ADD2: variants seen among roughly 807,000 people sequenced by gnomAD.
The protein encoded by ADD2 is beta-adducin.
Under a neutral mutation model 83.0 loss-of-function variants are expected in ADD2, and 23 were observed. The ratio of observed to expected loss-of-function variants is 0.28; its 90% CI spans 0.20 to 0.39. ADD2 has a LOEUF of 0.39. Ranked by LOEUF, ADD2 falls within the 10% of genes least tolerant of loss-of-function variation. The pLI, the probability that ADD2 is intolerant of heterozygous loss-of-function variation, is 1.00. For missense variants in ADD2, 758 were observed against 944.9 expected (o/e 0.80, Z 2.59); for synonymous variants, 375 against 375.4 (o/e 1.00, Z 0.01).
chr2:70,755,337 C>T (rs1466828691), intron 1 of ADD2, among the ~76,000 whole-genome samples: 1 of 152,236 alleles, frequency 6.6e-6, no homozygotes, highest in African/African-American at 2.4e-5. Flanking sequence ...ATCCGTCTCA[C>T]GAACCCACCT....
intron 1 of ADD2, among the ~76,000 whole-genome samples, chr2:70,753,369 AC>A (rs782267779): frequency 2.6e-5 from 4 of 152,180 alleles, no homozygotes; most frequent in Non-Finnish European, 4.4e-5. Flanking sequence ...AGGAAGAGAT[AC>A]AGAGCAAAGG....
intron 1 of ADD2, among the ~76,000 whole-genome samples, chr2:70,728,453 G>T (rs980068736): frequency 6.6e-6 from 1 of 152,192 alleles, no homozygotes; most frequent in Non-Finnish European, 1.5e-5. Context: ...GTCAGTCCTG[G>T]GCTGATGTCA....
At chr2:70,680,470 C>T (rs1225298277) in intron 10 of ADD2, among the ~76,000 whole-genome samples, 4 of 152,156 alleles carry the variant, frequency 2.6e-5, no homozygotes, top group African/African-American at 9.7e-5. Flanking sequence ...TTCCTAATTA[C>T]TTTTCTTTTT....
chr2:70,721,568 G>A (rs1385528347), intron 1 of ADD2, among the ~76,000 whole-genome samples: 2 of 152,178 alleles, frequency 1.3e-5, no homozygotes, highest in South Asian at 2.1e-4. Context: ...CAAATAAGGT[G>A]AAATCAAGTC....
At chr2:70,767,523 G>T (rs1221413840) in intron 1 of ADD2, 4 of 477,332 alleles carry the variant, frequency 8.4e-6, no homozygotes, top group African/African-American at 6.1e-5. Flanking sequence ...AGGGGAGGGA[G>T]GGGAGGGGAG....
rs1553370828 is a variant in ADD2, at chr2:70,688,009, GGAGAATT to G, written c.948+8_948+14del. Reference sequence around the variant, plus strand: ...AGCCCACTCCTGGGCCCACTTTCCAGGAGAATTTGCTCACCTGTATCTCACATGCAGC... The same window carrying G: ...AGCCCACTCCTGGGCCCACTTTCCAGTGCTCACCTGTATCTCACATGCAGC... On this transcript the variant is annotated splice_region_variant and intron_variant, in intron 9 of 15. Coordinates refer to ENST00000264436, the MANE Select transcript of ADD2 (RefSeq NM_001617.4). 13 of 1,610,772 alleles carry G rather than the reference GGAGAATT, an allele frequency of 8.1e-6. No homozygotes were observed. The South Asian group carries it at 1.4e-4, about 18-fold the overall frequency.
chr2:70,704,283 C>CCCCCCCCA, intron 4 of ADD2, 38 bp downstream of exon 4: 1 of 1,552,428 alleles, frequency 6.4e-7, no homozygotes, highest in Non-Finnish European at 8.8e-7. Flanking sequence ...ACCCTCCCCT[C>CCCCCCCCA]CACCTCTGCT....
At chr2:70,722,787 C>A (rs1195074534) in intron 1 of ADD2, among the ~76,000 whole-genome samples, 3 of 152,130 alleles carry the variant, frequency 2.0e-5, no homozygotes, top group African/African-American at 7.2e-5. Flanking sequence ...AGATGAGAGG[C>A]AACAAGATGA....
In ADD2 at chr2:70,745,664, C is replaced by G. The variant is rs189387858; in HGVS notation, c.-154+22222G>C. On this transcript the variant is annotated intron_variant, in intron 1 of 15. Coordinates refer to ENST00000264436, the MANE Select transcript of ADD2 (RefSeq NM_001617.4). ...ACCCTCCCAGGAGAGCAGCTAGGAA[C>G]AGTAGATTGCTTGCCCCTCTTTCCT... is the stretch of plus-strand genomic sequence containing the variant. Among the ~76,000 whole-genome samples the G allele has an allele frequency of 9.5e-3, 1,443 of 152,334 alleles. 17 individuals are homozygous for G. Among genetic ancestry groups the G allele is most frequent in the South Asian group, 0.029 (142 of 4,828 alleles).
intron 1 of ADD2, among the ~76,000 whole-genome samples, chr2:70,761,610 G>C (rs372200425): frequency 2.8e-5 from 4 of 142,806 alleles, no homozygotes; most frequent in East Asian, 4.0e-4. Context: ...AAAAAAAAAA[G>C]GAAGGAAGGA....
Position 70,676,667 on chromosome 2 carries a change from G to T in ADD2, c.1593+129C>A. ...GGTTGGCCTCCATTTTGCAGCAAGA[G>T]CACCGGCACCCAAGATCACAGGGGA... On this transcript the variant is annotated intron_variant, in intron 13 of 15. Coordinates refer to ENST00000264436, the MANE Select transcript of ADD2 (RefSeq NM_001617.4). This position sits in a 1 kb window ranked among gnomAD's most constrained non-coding sequence, Gnocchi z 4.8. 1 of 1,498,538 alleles carries T rather than the reference G, an allele frequency of 6.7e-7. No homozygotes were observed. The highest frequency in any genetic ancestry group is 9.0e-7 in the Non-Finnish European group (1 of 1,115,942). 92.8% of individuals were successfully genotyped at this position (1,498,538 alleles called of 1,614,324 possible).
chr2:70,739,358 G>A (rs1673756079), intron 1 of ADD2, among the ~76,000 whole-genome samples: 1 of 152,148 alleles, frequency 6.6e-6, no homozygotes, highest in Non-Finnish European at 1.5e-5. Flanking sequence ...GGTCAGAATG[G>A]TTATTATTAA....
At chr2:70,758,443 G>C (rs1553384257) in intron 1 of ADD2, among the ~76,000 whole-genome samples, 3 of 150,614 alleles carry the variant, frequency 2.0e-5, no homozygotes, top group Non-Finnish European at 4.4e-5. Context: ...GAAGGGTTGG[G>C]AGGGTGGGAA....
At chr2:70,725,224 G>A (rs1672928116) in intron 1 of ADD2, among the ~76,000 whole-genome samples, 1 of 152,194 alleles carries the variant, frequency 6.6e-6, no homozygotes, top group Non-Finnish European at 1.5e-5. Context: ...GCCTGTCATA[G>A]AAGAAGCATT....
chr2:70,766,103 GCATTGTTGTA>G (rs1397006357), intron 1 of ADD2, among the ~76,000 whole-genome samples: 8 of 152,020 alleles, frequency 5.3e-5, no homozygotes, highest in Non-Finnish European at 1.0e-4. Context: ...ATCATGTCAG[GCATTGTTGTA>G]CATTGTGTAT....
intron 8 of ADD2, 121 bp from the exon 9 acceptor site, chr2:70,688,243 C>T: frequency 1.4e-6 from 1 of 700,906 alleles, no homozygotes; most frequent in Non-Finnish European, 2.4e-6. Context: ...CTTCTCCCAA[C>T]TCCTTATGTT....
chr2:70,675,165 T>C, intron 13 of ADD2: 4 of 1,030,662 alleles, frequency 3.9e-6, no homozygotes, highest in Non-Finnish European at 4.7e-6. Flanking sequence ...ATACAGTTGG[T>C]GGCCCAAAGC....
intron 1 of ADD2, among the ~76,000 whole-genome samples, chr2:70,725,098 C>T (rs908228190): frequency 1.3e-5 from 2 of 152,166 alleles, no homozygotes; most frequent in Admixed American, 6.5e-5. Flanking sequence ...CGAGGGTTAC[C>T]GAACCACCCT....
chr2:70,697,432 A>C (rs1274718986), intron 4 of ADD2, among the ~76,000 whole-genome samples: 1 of 152,184 alleles, frequency 6.6e-6, no homozygotes, highest in Non-Finnish European at 1.5e-5. Flanking sequence ...CATCCAGTCT[A>C]TCCCGTTAAC....
Sources: allele counts gnomAD v4.1 joint callset (sites outside exome capture counted in the v4.1 genomes callset), GRCh38; gene constraint gnomAD v4.1.1; non-coding constraint Gnocchi (gnomAD v3.1); transcripts MANE v1.5; gene names NCBI Gene and HGNC (gene_info 2026-07-23, HGNC 2026-07-21).